LETMD1: variants seen among roughly 807,000 people sequenced by gnomAD.
LETMD1 encodes LETM1 domain-containing protein 1.
LETMD1 carries 30 observed loss-of-function variants against 43.9 expected under a neutral mutation model. The observed-to-expected ratio is 0.68, with a 90% CI of 0.51 to 0.93. LETMD1 has a LOEUF of 0.93. Among genes scored for constraint, LETMD1 ranks in the 40% least tolerant of loss-of-function variants. The probability of loss-of-function intolerance (pLI) is 0.00; values close to 1 mark genes in which losing one functional copy is unlikely to be tolerated. For synonymous variants in LETMD1, 176 were observed against 163.1 expected (o/e 1.08, Z -0.60); for missense variants, 413 against 447.7 (o/e 0.92, Z 0.70).
the LETMD1 span, chr12:51,067,647 A>C: frequency 1.9e-6 from 3 of 1,604,004 alleles, no homozygotes; most frequent in Admixed American, 1.7e-5. This position sits in a 1 kb window ranked among gnomAD's most constrained non-coding sequence, Gnocchi z 4.1. Flanking sequence ...GTGTAGATAT[A>C]CTATCTCAGG....
At chr12:51,053,181 T>A (rs1319348716) in intron 3 of LETMD1, among the ~76,000 whole-genome samples, 3 of 151,614 alleles carry the variant, frequency 2.0e-5, no homozygotes, top group Admixed American at 2.0e-4. Flanking sequence ...ACTTGATGGG[T>A]CGTTTTGAAG....
Position 51,059,444 on chromosome 12 carries a change from GCGGATGGCATTGTCCTGCAGT to G in LETMD1, c.*16_*36del. The G allele has an allele frequency of 5.0e-6, 8 of 1,612,792 alleles. No individual in the cohort carries two copies. The highest frequency in any genetic ancestry group is 6.8e-6 in the Non-Finnish European group (8 of 1,178,732). ...GACAAGGCGCTGAATGAACCATGGA[GCGGATGGCATTGTCCTGCAGT>G]CGTATAGTATAGCAGTGCAGGAACA... is the stretch of plus-strand genomic sequence containing the variant. On this transcript the variant is annotated 3_prime_UTR_variant, in exon 9 of 9. Coordinates refer to ENST00000262055, the MANE Select transcript of LETMD1 (RefSeq NM_015416.5).
downstream of LETMD1, among the ~76,000 whole-genome samples, chr12:51,064,864 A>T (rs956719889): frequency 1.3e-5 from 2 of 152,222 alleles, no homozygotes; most frequent in African/African-American, 4.8e-5. Context: ...TTGCATTTCA[A>T]TCCCAGCTCA....
Position 51,059,489 on chromosome 12 carries a change from C to T in LETMD1, c.*58C>T, listed in dbSNP as rs376372794. 2.0e-6 allele frequency: 3 copies of T among 1,473,248 alleles called. No individual in the cohort carries two copies. The highest frequency in any genetic ancestry group is 2.3e-5 in the South Asian group (2 of 88,072). 91.3% of individuals were successfully genotyped at this position (1,473,248 alleles called of 1,614,324 possible). On this transcript the variant is annotated 3_prime_UTR_variant, in exon 9 of 9. Transcript: ENST00000262055. ...GTCGTATAGTATAGCAGTGCAGGAACAAACAGCACTTGCCAGCAAAGTCTG... is the reference window on the plus strand; with the variant it reads ...GTCGTATAGTATAGCAGTGCAGGAATAAACAGCACTTGCCAGCAAAGTCTG...
chr12:51,056,339 T>C lies in LETMD1; in HGVS notation c.763-11T>C, dbSNP rs1389688990. ...TATTTGCCTTTCCCCTCCTATGTGG[T>C]TGTGTTACAGAAAGCCTTGAGCCGG... is the stretch of plus-strand genomic sequence containing the variant. On this transcript the variant is annotated splice_polypyrimidine_tract_variant and intron_variant, in intron 6 of 8. Transcript: ENST00000262055. The C allele has an allele frequency of 3.7e-6, 6 of 1,614,150 alleles. No individual in the cohort carries two copies. Among genetic ancestry groups the C allele is most frequent in the East Asian group, 2.2e-5 (1 of 44,894 alleles).
chr12:51,056,710 A>C, intron 7 of LETMD1: 1 of 426,642 alleles, frequency 2.3e-6, no homozygotes, highest in African/African-American at 2.1e-5. Context: ...GCTAGAGTAC[A>C]GTGGCACAGT....
At chr12:51,057,845 T>TC in intron 7 of LETMD1, 187 bp from the exon 8 acceptor site, 1 of 633,488 alleles carries the variant, frequency 1.6e-6, no homozygotes. Context: ...CAGGCTGGTC[T>TC]CCAACTCCTG....
At chr12:51,064,024 A>C, downstream of LETMD1, 2 of 1,614,206 alleles carry the variant, frequency 1.2e-6, no homozygotes, top group Non-Finnish European at 1.7e-6. Flanking sequence ...GGGAGAGAGA[A>C]GACATTCAGA....
downstream of LETMD1, chr12:51,061,517 T>C (rs1486775874): frequency 6.6e-6 from 1 of 152,644 alleles, no homozygotes; most frequent in Non-Finnish European, 1.5e-5. Context: ...AGAAGTGAGA[T>C]GGACTAGGTT....
chr12:51,061,033 G>A (rs191016727), downstream of LETMD1, among the ~76,000 whole-genome samples: 102 of 152,078 alleles, frequency 6.7e-4, no homozygotes, highest in South Asian at 2.3e-3. Flanking sequence ...TATGAACCAA[G>A]TCCAGCTCTT....
intron 2 of LETMD1, among the ~76,000 whole-genome samples, chr12:51,050,095 A>G (rs568556654): frequency 6.6e-6 from 1 of 152,336 alleles, no homozygotes; most frequent in Admixed American, 6.5e-5. Flanking sequence ...TACTAGCTTC[A>G]TGGACTTGAA....
intron 1 of LETMD1, 87 bp from the exon 2 acceptor site, chr12:51,048,947 C>T: frequency 1.6e-6 from 2 of 1,281,022 alleles, no homozygotes; most frequent in South Asian, 1.4e-5. Context: ...ATACAATCTC[C>T]GAGACTCCTG....
the LETMD1 span, among the ~76,000 whole-genome samples, chr12:51,068,317 A>AT: frequency 6.6e-6 from 1 of 151,904 alleles, no homozygotes; most frequent in Non-Finnish European, 1.5e-5. Context: ...AGCCTGGCTA[A>AT]TTTTTTCTAT....
chr12:51,064,223 C>G, downstream of LETMD1: 1 of 1,613,632 alleles, frequency 6.2e-7, no homozygotes, highest in South Asian at 1.1e-5. Context: ...AGCCTGGGGG[C>G]AGCTGAGCCT....
In LETMD1 at chr12:51,056,445, G is replaced by A. The variant is rs763102675; in HGVS notation, c.858G>A (p.Leu286=). Reference sequence around the variant, plus strand: ...CTCATACAACTGTGATTCACCAACTGGACAAGGCTTTGGCAAAGCTGGGGA... The same window carrying A: ...CTCATACAACTGTGATTCACCAACTAGACAAGGCTTTGGCAAAGCTGGGGA... The part of the protein sequence containing the change: ...LKTHTTVIHQ[L]DKALAKLGIG... The change falls in exon 7 of 9, where the codon CTG becomes CTA. Residue 286 remains leucine (L), a synonymous_variant. Coordinates refer to ENST00000262055, the MANE Select transcript of LETMD1 (RefSeq NM_015416.5). The A allele has an allele frequency of 6.2e-7, 1 of 1,614,134 alleles. No individual in the cohort carries two copies. The highest frequency in any genetic ancestry group is 1.1e-5 in the South Asian group (1 of 91,078).
downstream of LETMD1, chr12:51,064,056 G>T: frequency 6.2e-7 from 1 of 1,614,220 alleles, no homozygotes; most frequent in Non-Finnish European, 8.5e-7. Context: ...TGGGAAAGAG[G>T]CTGAGCCTTC....
rs1252613704 is a variant in LETMD1, at chr12:51,059,422, A to G, written c.1074A>G (p.Thr358=). 2 of 1,613,980 alleles carry G rather than the reference A, an allele frequency of 1.2e-6. No homozygotes were observed. Among genetic ancestry groups the G allele is most frequent in the East Asian group, 4.5e-5 (2 of 44,906 alleles). Residue 358 remains threonine (T), a synonymous_variant, in exon 9 of 9, where the codon ACA becomes ACG. Transcript: ENST00000262055. ...VVLLSTNYLG[T]RR ...TGCTCTCCACCAACTACCTTGGGAC[A>G]AGGCGCTGAATGAACCATGGAGCGG...
At position 51,049,205 on chromosome 12, in the gene LETMD1, A is replaced by G. The variant is rs1945243450; in HGVS notation, c.274+20A>G. 3.1e-6 allele frequency: 5 copies of G among 1,601,334 alleles called. No individual in the cohort carries two copies. Among genetic ancestry groups the G allele is most frequent in the African/African-American group, 1.3e-5 (1 of 74,538 alleles). ...TGAAAGGTAAAAACGAAACTACAATAGAAATTCCGGAATCAGCTCTTGGGC... is the reference window on the plus strand; with the variant it reads ...TGAAAGGTAAAAACGAAACTACAATGGAAATTCCGGAATCAGCTCTTGGGC... On this transcript the variant is annotated intron_variant, in intron 2 of 8. Transcript: ENST00000262055.
chr12:51,062,460 C>A (rs1379918240), downstream of LETMD1: 2 of 152,232 alleles, frequency 1.3e-5, no homozygotes, highest in African/African-American at 4.8e-5. Flanking sequence ...TGAACAGGAA[C>A]TGTATTCCTC....
Sources: allele counts gnomAD v4.1 joint callset (sites outside exome capture counted in the v4.1 genomes callset), GRCh38; gene constraint gnomAD v4.1.1; non-coding constraint Gnocchi (gnomAD v3.1); transcripts MANE v1.5; gene names NCBI Gene and HGNC (gene_info 2026-07-23, HGNC 2026-07-21).